Variants in TMEM178A observed in about 807,000 individuals in gnomAD.
The protein encoded by TMEM178A is transmembrane protein 178A, also known as transmembrane protein 178.
In TMEM178A, 12 loss-of-function variants were observed where a neutral mutation model predicts 29.1. The observed-to-expected ratio is 0.41, with a 90% CI of 0.26 to 0.67. TMEM178A has a LOEUF of 0.67. TMEM178A is among the 30% of genes least tolerant of loss of function. The probability of loss-of-function intolerance (pLI) is 0.29; values close to 1 mark genes in which losing one functional copy is unlikely to be tolerated. For missense variants in TMEM178A, 366 were observed against 419.1 expected (o/e 0.87, Z 1.11); for synonymous variants, 210 against 187.2 (o/e 1.12, Z -0.99).
chr2:39,706,920 G>A (rs980861636), intron 2 of TMEM178A, 129 bp from the exon 3 acceptor site: 1 of 1,076,516 alleles, frequency 9.3e-7, no homozygotes, highest in East Asian at 2.6e-5. Flanking sequence ...ATGCCTCCTT[G>A]TCCTGTGGGC....
intron 1 of TMEM178A, among the ~76,000 whole-genome samples, chr2:39,696,636 T>G (rs749369522): frequency 3.9e-5 from 6 of 152,206 alleles, no homozygotes; most frequent in Non-Finnish European, 7.4e-5. Flanking sequence ...TTAACCATCA[T>G]GTATACTGCC....
chr2:39,666,406 G>A (rs1479704721), intron 1 of TMEM178A, 32 bp downstream of exon 1: 6 of 1,305,762 alleles, frequency 4.6e-6, no homozygotes, highest in Non-Finnish European at 5.9e-6. Context: ...CGTCCCCGGC[G>A]CCCGCGCGTG....
At chr2:39,728,104 T>C in the TMEM178A span, among the ~76,000 whole-genome samples, 1 of 152,208 alleles carries the variant, frequency 6.6e-6, no homozygotes, top group African/African-American at 2.4e-5. Context: ...GGTCAAATGG[T>C]AATTCTAGTT....
intron 1 of TMEM178A, among the ~76,000 whole-genome samples, chr2:39,669,918 A>C (rs1670339934): frequency 6.6e-6 from 1 of 152,190 alleles, no homozygotes; most frequent in South Asian, 2.1e-4. Context: ...GTGCAAGGTA[A>C]TGTTAGAAGA....
chr2:39,707,006 C>T, intron 2 of TMEM178A, 43 bp from the exon 3 acceptor site: 3 of 1,564,692 alleles, frequency 1.9e-6, no homozygotes, highest in Non-Finnish European at 2.6e-6. Flanking sequence ...TAATGACTTT[C>T]CTGAATTCTG....
chr2:39,690,445 T>C (rs1207685545), intron 1 of TMEM178A, among the ~76,000 whole-genome samples: 3 of 151,972 alleles, frequency 2.0e-5, no homozygotes, highest in African/African-American at 7.3e-5. Context: ...GTGGGGAAAA[T>C]AAAGGGCAGT....
At chr2:39,712,481 C>A (rs1672352674) in intron 3 of TMEM178A, among the ~76,000 whole-genome samples, 1 of 152,116 alleles carries the variant, frequency 6.6e-6, no homozygotes, top group Non-Finnish European at 1.5e-5. Flanking sequence ...TGAAAATATC[C>A]CTTCTAGCCC....
At chr2:39,716,269 C>A (rs774485031) in intron 3 of TMEM178A, among the ~76,000 whole-genome samples, 20 of 152,124 alleles carry the variant, frequency 1.3e-4, no homozygotes, top group Non-Finnish European at 2.2e-4. Context: ...GTGTTTGGGG[C>A]TTATGAAGTA....
At chr2:39,711,237 A>C (rs1424206553) in intron 3 of TMEM178A, among the ~76,000 whole-genome samples, 1 of 152,258 alleles carries the variant, frequency 6.6e-6, no homozygotes, top group Non-Finnish European at 1.5e-5. Context: ...TGTACTGTGA[A>C]TGAATATTTC....
the TMEM178A span, among the ~76,000 whole-genome samples, chr2:39,725,879 A>G: frequency 6.6e-6 from 1 of 152,198 alleles, no homozygotes; most frequent in Non-Finnish European, 1.5e-5. Context: ...GGACATCTCA[A>G]TACTGTGGAA....
intron 3 of TMEM178A, among the ~76,000 whole-genome samples, chr2:39,711,602 C>T (rs1232468810): frequency 1.3e-5 from 2 of 152,174 alleles, no homozygotes; most frequent in Admixed American, 1.3e-4. Context: ...GGACAGTTAA[C>T]ACCCACCCAC....
chr2:39,718,853 C>T (rs1440421588), downstream of TMEM178A, among the ~76,000 whole-genome samples: 6 of 152,338 alleles, frequency 3.9e-5, no homozygotes, highest in South Asian at 1.0e-3. Flanking sequence ...AGGATAAAGA[C>T]AGCTTGTAAA....
chr2:39,689,135 C>T (rs894105619), intron 1 of TMEM178A, among the ~76,000 whole-genome samples: 1 of 152,130 alleles, frequency 6.6e-6, no homozygotes, highest in Non-Finnish European at 1.5e-5. Context: ...AAGTGTAGCT[C>T]AATACGAAGG....
At chr2:39,683,467 CA>C (rs1458060630) in intron 1 of TMEM178A, among the ~76,000 whole-genome samples, 2 of 152,214 alleles carry the variant, frequency 1.3e-5, no homozygotes, top group African/African-American at 2.4e-5. Flanking sequence ...ACATGCCCTG[CA>C]ATCGGATCTG....
chr2:39,728,502 C>G, the TMEM178A span, among the ~76,000 whole-genome samples: 1 of 152,088 alleles, frequency 6.6e-6, no homozygotes, highest in African/African-American at 2.4e-5. Context: ...GTACCCTATT[C>G]TGGAGGAGGA....
At chr2:39,682,687 A>G (rs1447213376) in intron 1 of TMEM178A, among the ~76,000 whole-genome samples, 1 of 152,210 alleles carries the variant, frequency 6.6e-6, no homozygotes, top group African/African-American at 2.4e-5. Context: ...AGAGACCCTT[A>G]ATAAGTACAC....
the TMEM178A span, among the ~76,000 whole-genome samples, chr2:39,733,407 T>C: frequency 1.6e-4 from 25 of 152,190 alleles, no homozygotes; most frequent in East Asian, 7.7e-4. Context: ...ATGGAATGAG[T>C]TGAACGAACA....
chr2:39,716,427 T>C (rs1672538485), intron 3 of TMEM178A, among the ~76,000 whole-genome samples: 1 of 152,234 alleles, frequency 6.6e-6, no homozygotes, highest in South Asian at 2.1e-4. Context: ...ATGATCTCCT[T>C]GCTCAGCTAT....
Position 39,705,984 on chromosome 2 carries a change from T to TA in TMEM178A, c.515-1057dup, listed in dbSNP as rs534351626. Reference sequence around the variant, plus strand: ...GAACAATTTTTAAAGTTAGTTTTGTTAAAAAAAATCCTTTGAGATGGAGCT... The same window carrying TA: ...GAACAATTTTTAAAGTTAGTTTTGTTAAAAAAAAATCCTTTGAGATGGAGCT... On this transcript the variant is annotated intron_variant, in intron 2 of 3. Coordinates refer to ENST00000281961, the MANE Select transcript of TMEM178A (RefSeq NM_152390.3). Among the ~76,000 whole-genome samples the TA allele has an allele frequency of 2.4e-3, 362 of 152,062 alleles. 2 individuals are homozygous for TA. The highest frequency in any genetic ancestry group is 8.1e-3 in the African/African-American group (335 of 41,468).
Sources: gnomAD v4.1 joint callset for allele counts (sites outside exome capture counted in the v4.1 genomes callset) on GRCh38, gnomAD v4.1.1 for gene constraint, MANE v1.5 for transcripts, NCBI Gene and HGNC (gene_info 2026-07-23, HGNC 2026-07-21) for gene names.